Variants in AHRR observed in about 807,000 individuals in gnomAD.
AHRR encodes aryl hydrocarbon receptor repressor.
In AHRR, 28 loss-of-function variants were observed where a neutral mutation model predicts 44.0. That is an observed-to-expected ratio of 0.64 (90% CI 0.47 to 0.87). The LOEUF (loss-of-function observed/expected upper bound fraction) is 0.87, where lower values mean the gene tolerates loss of function less well. Among genes scored for constraint, AHRR ranks in the 40% least tolerant of loss-of-function variants. The probability of loss-of-function intolerance (pLI) is 0.00; values close to 1 mark genes in which losing one functional copy is unlikely to be tolerated. For missense variants in AHRR, 990 were observed against 953.9 expected (o/e 1.04, Z -0.50); for synonymous variants, 434 against 407.0 (o/e 1.07, Z -0.80).
chr5:428,962 A>G lies in AHRR; in HGVS notation c.908+956A>G, dbSNP rs577320734. On this transcript the variant is annotated intron_variant, in intron 8 of 10. Coordinates refer to ENST00000684583, the MANE Select transcript of AHRR (RefSeq NM_001377236.1). ...AGCAGTGGGGAGTGGCTGTAAATAT[A>G]GATGAAGCTTCACTCGCTTGCGCAG... Among the ~76,000 whole-genome samples, 14 of 152,332 alleles carry G rather than the reference A, an allele frequency of 9.2e-5. No individual in the cohort carries two copies. In the South Asian group the frequency reaches 2.9e-3, roughly 32 times the overall value.
intron 3 of AHRR, 51 bp from the exon 4 acceptor site, chr5:376,559 T>TGAATGACTGAGAAACGG: frequency 4.1e-6 from 1 of 241,106 alleles, no homozygotes; most frequent in Non-Finnish European, 7.4e-6. Context: ...TGAAGAAGAG[T>TGAATGACTGAGAAACGG]GGCCAGGCCA....
intron 3 of AHRR, among the ~76,000 whole-genome samples, chr5:374,211 C>G (rs1465396325): frequency 6.6e-6 from 1 of 152,102 alleles, no homozygotes; most frequent in Admixed American, 6.5e-5. Context: ...CCAGGGCCAG[C>G]ACGGGGGTCT....
intron 2 of AHRR, among the ~76,000 whole-genome samples, chr5:353,042 G>A (rs1370874603): frequency 3.3e-5 from 5 of 152,158 alleles, no homozygotes; most frequent in Non-Finnish European, 7.4e-5. Context: ...TCTGGGCTCT[G>A]TGGTGTGGAA....
At chr5:417,322 C>T (rs1292384742) in intron 5 of AHRR, among the ~76,000 whole-genome samples, 5 of 129,990 alleles carry the variant, frequency 3.8e-5, no homozygotes, top group African/African-American at 5.9e-5. Context: ...TAGAGAAGGC[C>T]GCTTGGTCTG....
At chr5:397,932 G>C in intron 4 of AHRR, among the ~76,000 whole-genome samples, 1 of 118,408 alleles carries the variant, frequency 8.4e-6, no homozygotes, top group African/African-American at 3.3e-5. Flanking sequence ...CATCCACGTA[G>C]CCCCTGACCA....
intron 8 of AHRR, among the ~76,000 whole-genome samples, chr5:429,943 C>T (rs997232818): frequency 6.6e-6 from 1 of 152,202 alleles, no homozygotes; most frequent in East Asian, 1.9e-4. Flanking sequence ...TGCCTTGCCC[C>T]GGGTTACGGT....
At chr5:412,866 G>T (rs56191122) in intron 4 of AHRR, among the ~76,000 whole-genome samples, 15,420 of 151,854 alleles carry the variant, frequency 0.1, 1,057 homozygotes, top group Non-Finnish European at 0.14. Context: ...GACTACAGTC[G>T]CACACCACCA....
intron 1 of AHRR, among the ~76,000 whole-genome samples, chr5:335,001 G>A (rs1156956038): frequency 2.0e-5 from 3 of 152,112 alleles, no homozygotes; most frequent in Non-Finnish European, 4.4e-5. Flanking sequence ...TGGTTAGGGT[G>A]CAGTTATTGG....
Position 367,567 on chromosome 5 carries a change from G to A in AHRR, c.245-9043G>A, listed in dbSNP as rs115612023. 3.5e-3 allele frequency among the ~76,000 whole-genome samples: 528 copies of A among 152,356 alleles called. 1 individual carries two copies. Among genetic ancestry groups the A allele is most frequent in the Middle Eastern group, 0.014 (4 of 294 alleles). On this transcript the variant is annotated intron_variant, in intron 3 of 10. Coordinates refer to ENST00000684583, the MANE Select transcript of AHRR (RefSeq NM_001377236.1). ...GAATATGGCAGCGCCAGGCAGTGAT[G>A]CCACGTGGGCCTTGCTGGGGGCGGC...
intron 3 of AHRR, 151 bp from the exon 4 acceptor site, chr5:376,459 G>A: frequency 2.3e-4 from 3 of 12,804 alleles, no homozygotes; most frequent in Non-Finnish European, 3.5e-3. Flanking sequence ...GTGGAATGCT[G>A]CGTGGCCTGC....
chr5:401,631 G>A (rs1735018196), intron 4 of AHRR, among the ~76,000 whole-genome samples: 1 of 152,234 alleles, frequency 6.6e-6, no homozygotes, highest in African/African-American at 2.4e-5. Flanking sequence ...GCGAAAGGCA[G>A]GTCAAGTGCT....
intron 5 of AHRR, among the ~76,000 whole-genome samples, chr5:420,526 G>A (rs1736028504): frequency 6.6e-6 from 1 of 152,210 alleles, no homozygotes; most frequent in Non-Finnish European, 1.5e-5. Flanking sequence ...AGCCAGTCTT[G>A]AGTCCTGGCT....
Position 342,715 on chromosome 5 carries a change from A to G in AHRR, c.-10-1178A>G, listed in dbSNP as rs143162550. 0.017 allele frequency among the ~76,000 whole-genome samples: 2,651 copies of G among 152,300 alleles called. 32 individuals are homozygous for G. Among genetic ancestry groups the G allele is most frequent in the South Asian group, 0.034 (164 of 4,826 alleles). Reference sequence around the variant, plus strand: ...GCCCAGAGCCTGGCACGGGATGGTTACTGCACACAGGTCTGCAGAACGTTT... The same window carrying G: ...GCCCAGAGCCTGGCACGGGATGGTTGCTGCACACAGGTCTGCAGAACGTTT... On this transcript the variant is annotated intron_variant, in intron 1 of 10. Coordinates refer to ENST00000684583, the MANE Select transcript of AHRR (RefSeq NM_001377236.1). This position sits in a 1 kb window ranked among gnomAD's most constrained non-coding sequence, Gnocchi z 4.3.
rs541909557 is a variant in AHRR, at chr5:434,887, G to A, written c.*53G>A. 77 of 1,493,380 alleles carry A rather than the reference G, an allele frequency of 5.2e-5. No homozygotes were observed. In the Middle Eastern group the frequency reaches 1.2e-3, roughly 23 times the overall value. The allele number at this position is 1,493,380 out of a possible 1,614,324, so 92.5% of individuals were successfully genotyped here. A position where few individuals can be genotyped will look rare whatever the true frequency, so the allele number is the denominator to read the frequency against. Reference sequence around the variant, plus strand: ...CTGTGTGTCTACGCTCAGATGCGTCGGTGGCTGGGCTGCCCTGCTCCTGGT... The same window carrying A: ...CTGTGTGTCTACGCTCAGATGCGTCAGTGGCTGGGCTGCCCTGCTCCTGGT... On this transcript the variant is annotated 3_prime_UTR_variant, in exon 11 of 11. Transcript: ENST00000684583.
intron 4 of AHRR, among the ~76,000 whole-genome samples, chr5:408,127 A>G (rs901955263): frequency 6.6e-6 from 1 of 152,254 alleles, no homozygotes; most frequent in Non-Finnish European, 1.5e-5. Context: ...ACAGGCAATG[A>G]ATAAATGTGT....
rs1020854708 is a variant in AHRR at position 415,665 on chromosome 5, G to A, written c.441+2232G>A. On this transcript the variant is annotated intron_variant, in intron 5 of 10. Coordinates refer to ENST00000684583, the MANE Select transcript of AHRR (RefSeq NM_001377236.1). ...TGGTGGGGCGGGAGGCCTAGGGGCC[G>A]AATCTGCCTGGTCGGGCGGGAGGCC... Among the ~76,000 whole-genome samples the A allele has an allele frequency of 4.0e-4, 54 of 135,384 alleles. 1 individual carries two copies. Among genetic ancestry groups the A allele is most frequent in the Non-Finnish European group, 6.2e-4 (36 of 58,290 alleles). 88.8% of individuals were successfully genotyped at this position (135,384 alleles called of 152,430 possible).
In AHRR at chr5:402,376, G is replaced by A. The variant is rs1735051009; in HGVS notation, c.352-10968G>A. On this transcript the variant is annotated intron_variant, in intron 4 of 10. Transcript: ENST00000684583. ...GTTGATGAGGGTGTGGAGAGAAGGG[G>A]ACCCTCGTGCACTGTTGGCGGGAAG... Among the ~76,000 whole-genome samples the A allele has an allele frequency of 2.1e-5, 3 of 146,112 alleles. No individual in the cohort carries two copies. In the South Asian group the frequency reaches 6.7e-4, roughly 33 times the overall value.
chr5:348,074 G>T (rs1234696428), intron 2 of AHRR, among the ~76,000 whole-genome samples: 3 of 152,362 alleles, frequency 2.0e-5, no homozygotes, highest in Admixed American at 1.3e-4. Flanking sequence ...CTGAGTGCAG[G>T]GGGCAGCTGA....
At position 343,942 on chromosome 5, in the gene AHRR, C is replaced by A; in HGVS notation, c.40C>A (p.Arg14=). The change falls in exon 2 of 11, where the codon CGG becomes AGG. Residue 14 remains arginine (R), a synonymous_variant. Transcript: ENST00000684583. ...PGECTYAGRK[R]RRPLQKQRPA... Reference sequence around the variant, plus strand: ...GGAGTGCACGTACGCGGGCCGGAAGCGGAGGAGGCCCCTGCAGAAACAGTA... The same window carrying A: ...GGAGTGCACGTACGCGGGCCGGAAGAGGAGGAGGCCCCTGCAGAAACAGTA... 6.3e-7 allele frequency: 1 copy of A among 1,599,952 alleles called. No homozygotes were observed. The highest frequency in any genetic ancestry group is 8.5e-7 in the Non-Finnish European group (1 of 1,173,932).
Sources: allele counts gnomAD v4.1 joint callset (sites outside exome capture counted in the v4.1 genomes callset), GRCh38; gene constraint gnomAD v4.1.1; non-coding constraint Gnocchi (gnomAD v3.1); transcripts MANE v1.5; gene names NCBI Gene and HGNC (gene_info 2026-07-23, HGNC 2026-07-21).